The following CNTNAP5 variants were observed in gnomAD, a reference collection of about 807,000 sequenced individuals.
CNTNAP5 encodes the protein contactin-associated protein-like 5.
Under a neutral mutation model 150.2 loss-of-function variants are expected in CNTNAP5, and 72 were observed. The ratio of observed to expected loss-of-function variants is 0.48; its 90% CI spans 0.40 to 0.58. The LOEUF (loss-of-function observed/expected upper bound fraction) is 0.58, where lower values mean the gene tolerates loss of function less well. Ranked by LOEUF, CNTNAP5 falls within the 20% of genes least tolerant of loss-of-function variation. The pLI, the probability that CNTNAP5 is intolerant of heterozygous loss-of-function variation, is 0.00. For synonymous variants in CNTNAP5, 672 were observed against 619.8 expected (o/e 1.08, Z -1.25); for missense variants, 1,636 against 1,626.2 (o/e 1.01, Z -0.10).
intron 1 of CNTNAP5, among the ~76,000 whole-genome samples, chr2:124,085,783 G>A (rs1341264508): frequency 6.6e-6 from 1 of 152,108 alleles, no homozygotes; most frequent in Non-Finnish European, 1.5e-5. Flanking sequence ...AAAGTGTGTC[G>A]TTTTCAAGTG....
chr2:124,144,628 A>G (rs1219444755), intron 1 of CNTNAP5, among the ~76,000 whole-genome samples: 2 of 130,390 alleles, frequency 1.5e-5, no homozygotes, highest in Admixed American at 8.1e-5. Context: ...CTTACACGTT[A>G]TACAAAAATC....
chr2:124,827,062 A>G (rs958862545), intron 19 of CNTNAP5, among the ~76,000 whole-genome samples: 1 of 152,106 alleles, frequency 6.6e-6, no homozygotes, highest in East Asian at 1.9e-4. Context: ...CTAGGGCCAC[A>G]GGCCTGCAAC....
At chr2:124,450,396 C>T (rs1692937224) in intron 6 of CNTNAP5, among the ~76,000 whole-genome samples, 1 of 151,658 alleles carries the variant, frequency 6.6e-6, no homozygotes, top group Non-Finnish European at 1.5e-5. Flanking sequence ...TAGTAGCTTT[C>T]ATTCTTCATC....
intron 4 of CNTNAP5, among the ~76,000 whole-genome samples, chr2:124,422,755 C>T (rs1035194956): frequency 4.6e-5 from 7 of 152,320 alleles, no homozygotes; most frequent in African/African-American, 1.7e-4. Context: ...TGCATGCTTC[C>T]AATCCTCTAT....
intron 13 of CNTNAP5, among the ~76,000 whole-genome samples, chr2:124,653,298 C>T (rs1284133278): frequency 6.6e-6 from 1 of 151,892 alleles, no homozygotes; most frequent in African/African-American, 2.4e-5. Context: ...ATTACTGATA[C>T]TTTAGTGAGC....
At chr2:124,795,882 C>A (rs1031861914) in intron 18 of CNTNAP5, among the ~76,000 whole-genome samples, 1 of 151,730 alleles carries the variant, frequency 6.6e-6, no homozygotes, top group African/African-American at 2.4e-5. Flanking sequence ...TAGGTTCTTC[C>A]ACCAAGTGGA....
chr2:124,216,871 G>A (rs1220717622), intron 1 of CNTNAP5, among the ~76,000 whole-genome samples: 3 of 152,086 alleles, frequency 2.0e-5, no homozygotes, highest in Non-Finnish European at 4.4e-5. Context: ...TGTCTTTATA[G>A]CAGCATGATT....
chr2:124,136,564 G>T (rs190228123), intron 1 of CNTNAP5, among the ~76,000 whole-genome samples: 48 of 152,310 alleles, frequency 3.2e-4, no homozygotes, highest in African/African-American at 1.1e-3. Context: ...AGCATCTCAT[G>T]TAATTTACAG....
intron 10 of CNTNAP5, among the ~76,000 whole-genome samples, chr2:124,558,706 C>G (rs1014256989): frequency 2.6e-5 from 4 of 152,192 alleles, no homozygotes; most frequent in African/African-American, 9.7e-5. Context: ...CACACTTTTC[C>G]CAGGCCTCAT....
At chr2:124,062,750 A>C (rs1682045396) in intron 1 of CNTNAP5, among the ~76,000 whole-genome samples, 1 of 152,136 alleles carries the variant, frequency 6.6e-6, no homozygotes, top group Non-Finnish European at 1.5e-5. Flanking sequence ...AAATCCTATC[A>C]GTCGAGGCCG....
chr2:124,025,809 G>T, intron 1 of CNTNAP5, 77 bp downstream of exon 1: 1 of 1,169,868 alleles, frequency 8.5e-7, no homozygotes, highest in Non-Finnish European at 1.3e-6. Context: ...CTATCTAAGC[G>T]TACTCGATTG....
Position 124,916,196 on chromosome 2 carries a change from A to G in CNTNAP5, c.*1908A>G, listed in dbSNP as rs563208387. Among the ~76,000 whole-genome samples the G allele has an allele frequency of 2.0e-5, 3 of 151,474 alleles. No individual in the cohort carries two copies. The highest frequency in any genetic ancestry group is 4.4e-5 in the Non-Finnish European group (3 of 67,994). ...CGAAATTTTCTGTGGATTTGAGCTC[A>G]ATCGCTTTATCATCTACATGATATC... On this transcript the variant is annotated 3_prime_UTR_variant, in exon 24 of 24. Coordinates refer to ENST00000682447, the MANE Select transcript of CNTNAP5 (RefSeq NM_001367498.1).
intron 12 of CNTNAP5, among the ~76,000 whole-genome samples, chr2:124,635,544 C>G (rs1297574468): frequency 6.6e-6 from 1 of 152,164 alleles, no homozygotes; most frequent in Admixed American, 6.5e-5. Context: ...TCCATCAAGT[C>G]CTCCTGACTT....
intron 19 of CNTNAP5, among the ~76,000 whole-genome samples, chr2:124,808,750 C>T (rs1178364625): frequency 6.6e-6 from 1 of 152,034 alleles, no homozygotes; most frequent in African/African-American, 2.4e-5. Flanking sequence ...TGCCTCTGCC[C>T]CAATGTTTGC....
At chr2:124,235,057 CAG>C (rs1040139771) in intron 2 of CNTNAP5, among the ~76,000 whole-genome samples, 16 of 152,184 alleles carry the variant, frequency 1.1e-4, no homozygotes, top group African/African-American at 3.9e-4. Context: ...CAGGGTAAGA[CAG>C]AGGGGAAAGC....
intron 19 of CNTNAP5, among the ~76,000 whole-genome samples, chr2:124,839,542 C>A (rs543394871): frequency 1.4e-4 from 21 of 151,984 alleles, no homozygotes; most frequent in Non-Finnish European, 2.1e-4. Flanking sequence ...AGCCCTCCAG[C>A]CTTTTAGATG....
At chr2:124,199,188 T>C (rs1350341672) in intron 1 of CNTNAP5, among the ~76,000 whole-genome samples, 1 of 152,104 alleles carries the variant, frequency 6.6e-6, no homozygotes, top group African/African-American at 2.4e-5. Context: ...GAAGCAAAGC[T>C]GGAAGGAGAA....
chr2:124,896,585 C>A (rs1043882834), intron 21 of CNTNAP5, among the ~76,000 whole-genome samples: 2 of 151,270 alleles, frequency 1.3e-5, no homozygotes, highest in African/African-American at 2.5e-5. Context: ...GTCACCCAGG[C>A]TGGAGTGCAG....
intron 4 of CNTNAP5, among the ~76,000 whole-genome samples, chr2:124,429,952 G>A (rs1692332628): frequency 6.6e-6 from 1 of 152,180 alleles, no homozygotes; most frequent in Non-Finnish European, 1.5e-5. Context: ...CGAGTCCATT[G>A]CGAGGCTCTG....
Sources: allele counts gnomAD v4.1 joint callset (sites outside exome capture counted in the v4.1 genomes callset), GRCh38; gene constraint gnomAD v4.1.1; transcripts MANE v1.5; gene names NCBI Gene and HGNC (gene_info 2026-07-23, HGNC 2026-07-21).